The following C8orf74 variants were observed in gnomAD, a reference collection of about 807,000 sequenced individuals.
C8orf74 encodes uncharacterized protein C8orf74.
C8orf74 carries 29 observed loss-of-function variants against 22.2 expected under a neutral mutation model. That is an observed-to-expected ratio of 1.31 (90% CI 0.97 to 1.78). C8orf74 has a LOEUF of 1.78. Among genes scored for constraint, C8orf74 ranks in the 40% most tolerant of loss-of-function variants. The pLI is 0.00. For synonymous variants in C8orf74, 255 were observed against 163.1 expected (o/e 1.56, Z -4.30); for missense variants, 515 against 369.9 (o/e 1.39, Z -3.22).
At chr8:10,672,772 G>C in intron 1 of C8orf74, 59 bp downstream of exon 1, 1 of 1,484,026 alleles carries the variant, frequency 6.7e-7, no homozygotes, top group South Asian at 1.2e-5. Context: ...GGCACATAGG[G>C]AGGTGGGCAC....
Position 10,674,845 on chromosome 8 carries a change from T to A in C8orf74, c.241+7T>A, listed in dbSNP as rs4841419. 1.0e-5 allele frequency: 16 copies of A among 1,588,090 alleles called. No homozygotes were observed. In the South Asian group the frequency reaches 1.4e-4, roughly 14 times the overall value. On this transcript the variant is annotated splice_region_variant and intron_variant, in intron 2 of 3. Coordinates refer to ENST00000304519, the MANE Select transcript of C8orf74 (RefSeq NM_001040032.2). ...CTGCTAAGGGAAACCAAAGGTATGG[T>A]GTGTCCAGGGCAGGAGTCAGCAGAG...
At chr8:10,682,505 C>A (rs1259126696) in intron 2 of C8orf74, among the ~76,000 whole-genome samples, 1 of 152,222 alleles carries the variant, frequency 6.6e-6, no homozygotes, top group African/African-American at 2.4e-5. Context: ...CTCCCCACTT[C>A]CTCTTGTGGT....
At chr8:10,687,931 T>G (rs1799294989) in intron 2 of C8orf74, among the ~76,000 whole-genome samples, 1 of 151,936 alleles carries the variant, frequency 6.6e-6, no homozygotes, top group Non-Finnish European at 1.5e-5. Context: ...CCAGGCCAGG[T>G]GCAGTGGCTC....
At chr8:10,688,926 C>T (rs1586043974) in intron 2 of C8orf74, 1 of 152,326 alleles carries the variant, frequency 6.6e-6, no homozygotes, top group African/African-American at 2.4e-5. Flanking sequence ...GTGGCAAGCT[C>T]TCAGGGCTCT....
At chr8:10,673,981 T>A (rs1798970583) in intron 1 of C8orf74, among the ~76,000 whole-genome samples, 2 of 90,606 alleles carry the variant, frequency 2.2e-5, no homozygotes, top group South Asian at 8.4e-4. Context: ...ACAACCCCCA[T>A]ATCATACCCC....
intron 1 of C8orf74, among the ~76,000 whole-genome samples, chr8:10,673,068 G>C (rs772033032): frequency 3.3e-5 from 5 of 152,116 alleles, no homozygotes; most frequent in Non-Finnish European, 5.9e-5. Flanking sequence ...GTGCTGTCTA[G>C]ATTAGGCAGA....
At chr8:10,682,714 G>C (rs1435668328) in intron 2 of C8orf74, among the ~76,000 whole-genome samples, 2 of 152,202 alleles carry the variant, frequency 1.3e-5, no homozygotes, top group East Asian at 3.9e-4. Context: ...GGTGTGAGCA[G>C]TACAGCCTGT....
At position 10,674,745 on chromosome 8, in the gene C8orf74, G is replaced by A. The variant is rs200128788; in HGVS notation, c.148G>A (p.Glu50Lys). The A allele has an allele frequency of 3.7e-5, 59 of 1,607,160 alleles. No individual in the cohort carries two copies. In the African/African-American group the frequency reaches 6.4e-4, roughly 17 times the overall value. Residue 50 changes from glutamate (E) to lysine (K), a missense_variant, in exon 2 of 4, where the codon GAG (glutamate) becomes AAG (lysine). Glu to Lys is a moderately conservative substitution (Grantham distance 56). Transcript: ENST00000304519. ...GAGCATCCTGCTGGACACCCTCTAC[G>A]AGAGCATCATCTTTGCAGTGGGCAA... is the stretch of plus-strand genomic sequence containing the variant. ...RRSILLDTLY[E>K]SIIFAVGKGF...
chr8:10,674,766 G>T lies in C8orf74; in HGVS notation c.169G>T (p.Gly57Cys). 6.2e-7 allele frequency: 1 copy of T among 1,607,092 alleles called. No homozygotes were observed. The highest frequency in any genetic ancestry group is 8.5e-7 in the Non-Finnish European group (1 of 1,176,920). The change falls in exon 2 of 4, where the codon GGC (glycine) becomes TGC (cysteine). Residue 57 changes from glycine (G) to cysteine (C), a missense_variant. Physicochemically the swap from Gly to Cys is radical, Grantham distance 159. Coordinates refer to ENST00000304519, the MANE Select transcript of C8orf74 (RefSeq NM_001040032.2). The part of the protein sequence containing the change: ...TLYESIIFAV[G>C]KGFPWVEVAQ... The stretch of plus-strand genomic sequence containing the variant: ...CTACGAGAGCATCATCTTTGCAGTG[G>T]GCAAAGGCTTCCCATGGGTGGAGGT...
intron 2 of C8orf74, among the ~76,000 whole-genome samples, chr8:10,679,402 C>A (rs7812404): frequency 6.6e-6 from 1 of 152,182 alleles, no homozygotes; most frequent in Non-Finnish European, 1.5e-5. Context: ...CACAGCCTTT[C>A]CTCCCTCGGC....
At chr8:10,686,473 C>A (rs1264628418) in intron 2 of C8orf74, 1 of 152,358 alleles carries the variant, frequency 6.6e-6, no homozygotes, top group Non-Finnish European at 1.5e-5. Context: ...TGGGCAGCAA[C>A]CACATGTCCA....
chr8:10,691,211 A>G (rs909077594), intron 2 of C8orf74: 4 of 328,708 alleles, frequency 1.2e-5, no homozygotes, highest in Middle Eastern at 1.0e-3. Context: ...CAAGGTCTAC[A>G]CTTGGTTTGT....
intron 2 of C8orf74, chr8:10,691,055 G>C: frequency 2.4e-6 from 1 of 409,546 alleles, no homozygotes; most frequent in South Asian, 1.7e-5. Context: ...TCAACCCGAG[G>C]CCCAGGGAGT....
chr8:10,689,904 G>A (rs570151138), intron 2 of C8orf74: 2 of 152,204 alleles, frequency 1.3e-5, no homozygotes, highest in South Asian at 2.1e-4. Flanking sequence ...ACCGTTTTGG[G>A]GGTGGCACAG....
At position 10,696,688 on chromosome 8, in the gene C8orf74, T is replaced by C. The variant is rs115129001; in HGVS notation, c.242-911T>C. Among the ~76,000 whole-genome samples, 1,126 of 152,144 alleles carry C rather than the reference T, an allele frequency of 7.4e-3. 11 individuals are homozygous for C. Among genetic ancestry groups the C allele is most frequent in the African/African-American group, 0.026 (1,073 of 41,518 alleles). Reference sequence around the variant, plus strand: ...GTCTCGAACTCCTCACCTCAAGTGATACACAGGCCTCAGCCTCCCAAAGTG... The same window carrying C: ...GTCTCGAACTCCTCACCTCAAGTGACACACAGGCCTCAGCCTCCCAAAGTG... On this transcript the variant is annotated intron_variant, in intron 2 of 3. Coordinates refer to ENST00000304519, the MANE Select transcript of C8orf74 (RefSeq NM_001040032.2).
At chr8:10,682,922 T>G (rs1171692810) in intron 2 of C8orf74, among the ~76,000 whole-genome samples, 2 of 152,250 alleles carry the variant, frequency 1.3e-5, no homozygotes, top group African/African-American at 2.4e-5. Context: ...GCAGGTGCCA[T>G]TTGAAAGATG....
At chr8:10,675,063 A>C (rs1431540156) in intron 2 of C8orf74, among the ~76,000 whole-genome samples, 1 of 151,758 alleles carries the variant, frequency 6.6e-6, no homozygotes, top group Non-Finnish European at 1.5e-5. Context: ...GCAAATCTGA[A>C]CCACTCCAAG....
At chr8:10,679,528 C>T (rs145648684) in intron 2 of C8orf74, among the ~76,000 whole-genome samples, 3 of 152,214 alleles carry the variant, frequency 2.0e-5, no homozygotes, top group South Asian at 2.1e-4. Context: ...AGTCACCAGC[C>T]GTTATCTATC....
intron 2 of C8orf74, among the ~76,000 whole-genome samples, chr8:10,680,880 C>T (rs996941642): frequency 2.6e-5 from 4 of 152,114 alleles, no homozygotes; most frequent in Non-Finnish European, 5.9e-5. Context: ...TGGCATTGTC[C>T]CCATTTCAGA....
Sources: gnomAD v4.1 joint callset for allele counts (sites outside exome capture counted in the v4.1 genomes callset) on GRCh38, gnomAD v4.1.1 for gene constraint, MANE v1.5 for transcripts, NCBI Gene and HGNC (gene_info 2026-07-23, HGNC 2026-07-21) for gene names.